The following TRIM25 variants were observed in gnomAD, a reference collection of about 807,000 sequenced individuals.
TRIM25 encodes E3 ubiquitin/ISG15 ligase TRIM25.
In TRIM25, 45 loss-of-function variants were observed where a neutral mutation model predicts 65.2. That is an observed-to-expected ratio of 0.69 (90% CI 0.54 to 0.89). The LOEUF (loss-of-function observed/expected upper bound fraction) is 0.89. Ranked by LOEUF, TRIM25 falls within the 40% of genes least tolerant of loss-of-function variation. The pLI is 0.00. For missense variants in TRIM25, 714 were observed against 803.7 expected (o/e 0.89, Z 1.35); for synonymous variants, 321 against 340.4 (o/e 0.94, Z 0.63).
chr17:56,895,003 A>G lies in TRIM25; in HGVS notation c.1363+340T>C, dbSNP rs376344078. On this transcript the variant is annotated intron_variant, in intron 8 of 8. Transcript: ENST00000316881. ...AGGAGACAGGAGATGCAGGGCAGGC[A>G]TGCCGGCAACGGGACGCCCGGTGAA... 1.0e-3 allele frequency among the ~76,000 whole-genome samples: 154 copies of G among 152,354 alleles called. 1 individual carries two copies. The highest frequency in any genetic ancestry group is 3.4e-3 in the African/African-American group (141 of 41,588).
chr17:56,888,208 C>T lies in TRIM25; in HGVS notation c.*3492G>A, dbSNP rs1909094739. 6.6e-6 allele frequency: 1 copy of T among 152,344 alleles called. No homozygotes were observed. Among genetic ancestry groups the T allele is most frequent in the South Asian group, 2.1e-4 (1 of 4,836 alleles). 9.4% of individuals were successfully genotyped at this position (152,344 alleles called of 1,614,324 possible). The stretch of plus-strand genomic sequence containing the variant: ...GTCAGGCTGACTCAAAGCCTCAAAC[C>T]TCTAATCACATGGTCAGTCTGTCTG... On this transcript the variant is annotated 3_prime_UTR_variant, in exon 9 of 9. Transcript: ENST00000316881.
At chr17:56,896,594 A>C (rs1181620459) in intron 5 of TRIM25, among the ~76,000 whole-genome samples, 1 of 151,588 alleles carries the variant, frequency 6.6e-6, no homozygotes, top group East Asian at 1.9e-4. Context: ...GCTTGAGCCC[A>C]GGAGGATGAG....
chr17:56,890,487 T>C lies in TRIM25; in HGVS notation c.*1213A>G, dbSNP rs1478518990. On this transcript the variant is annotated 3_prime_UTR_variant, in exon 9 of 9. Coordinates refer to ENST00000316881, the MANE Select transcript of TRIM25 (RefSeq NM_005082.5). The stretch of plus-strand genomic sequence containing the variant: ...CTCTGACTCACGCAAGGGCCAGTGC[T>C]GGGTCTGCAGCCTGTGGCCAGGGAT... The C allele has an allele frequency of 2.4e-6, 1 of 420,314 alleles. No homozygotes were observed. The highest frequency in any genetic ancestry group is 4.8e-6 in the Non-Finnish European group (1 of 208,588). 26.0% of individuals were successfully genotyped at this position (420,314 alleles called of 1,614,324 possible).
chr17:56,893,667 G>T (rs180944943), intron 8 of TRIM25, among the ~76,000 whole-genome samples: 65 of 152,376 alleles, frequency 4.3e-4, no homozygotes, highest in African/African-American at 1.5e-3. Flanking sequence ...CAAGAAGACG[G>T]AAAGTGGGAG....
chr17:56,910,617 C>G (rs531016445), intron 1 of TRIM25, among the ~76,000 whole-genome samples: 1 of 152,218 alleles, frequency 6.6e-6, no homozygotes, highest in Non-Finnish European at 1.5e-5. Flanking sequence ...CGGCAGTACC[C>G]TCATCATGAA....
chr17:56,911,697 G>A (rs2144365349), intron 1 of TRIM25, among the ~76,000 whole-genome samples: 1 of 151,684 alleles, frequency 6.6e-6, no homozygotes, highest in East Asian at 2.0e-4. Flanking sequence ...AGACCAGCCT[G>A]AGCAACATAG....
intron 1 of TRIM25, among the ~76,000 whole-genome samples, chr17:56,911,671 T>C (rs1185972552): frequency 6.6e-6 from 1 of 151,852 alleles, no homozygotes; most frequent in East Asian, 1.9e-4. Context: ...GGAGAAGGAT[T>C]GAGGCCAGGA....
intron 1 of TRIM25, among the ~76,000 whole-genome samples, chr17:56,912,586 G>A (rs1909651159): frequency 6.6e-6 from 1 of 152,118 alleles, no homozygotes; most frequent in Non-Finnish European, 1.5e-5. Flanking sequence ...TTGGTGCTCC[G>A]GACTCTACGG....
intron 2 of TRIM25, among the ~76,000 whole-genome samples, 159 bp from the exon 3 acceptor site, chr17:56,904,647 T>G (rs1231959883): frequency 6.6e-6 from 1 of 152,172 alleles, no homozygotes; most frequent in African/African-American, 2.4e-5. Context: ...CTAATAAATT[T>G]GGAGGTGCTC....
rs1390703749 is a variant in TRIM25, at chr17:56,913,869, C to A, written c.120G>T (p.Thr40=). ...GGTATGGCGAGCCCTGGACTGCCCA[C>A]GTCTCATTCAGGCACGACCCGCAGA... ...HNFCGSCLNE[T]WAVQGSPYLC... The change falls in exon 1 of 9, where the codon ACG becomes ACT. Residue 40 remains threonine (T), a synonymous_variant. Coordinates refer to ENST00000316881, the MANE Select transcript of TRIM25 (RefSeq NM_005082.5). The surrounding 1 kb of genome is among the most constrained non-coding windows in gnomAD (Gnocchi z 6.1). 1 of 1,561,386 alleles carries A rather than the reference C, an allele frequency of 6.4e-7. No individual in the cohort carries two copies. The highest frequency in any genetic ancestry group is 1.9e-5 in the Admixed American group (1 of 51,838).
rs374904632 is a variant in TRIM25 at position 56,913,545 on chromosome 17, G to T, written c.444C>A (p.Pro148=). The change falls in exon 1 of 9, where the codon CCC becomes CCA. Residue 148 remains proline (P), a synonymous_variant. Transcript: ENST00000316881. The surrounding 1 kb of genome is among the most constrained non-coding windows in gnomAD (Gnocchi z 6.1). ...PAFQDHPLQP[P]VRDLLRRKCS... is the part of the protein sequence containing the mutation. Reference sequence around the variant, plus strand: ...ATTTGCGGCGCAACAGGTCGCGAACGGGCGGCTGCAGCGGGTGGTCCTGGA... The same window carrying T: ...ATTTGCGGCGCAACAGGTCGCGAACTGGCGGCTGCAGCGGGTGGTCCTGGA... The T allele has an allele frequency of 1.9e-6, 3 of 1,613,692 alleles. No homozygotes were observed. Among genetic ancestry groups the T allele is most frequent in the Middle Eastern group, 1.7e-4 (1 of 6,042 alleles).
chr17:56,911,461 TCCCAGC>T (rs1284954231), intron 1 of TRIM25, among the ~76,000 whole-genome samples: 1 of 151,458 alleles, frequency 6.6e-6, no homozygotes, highest in East Asian at 1.9e-4. Context: ...AGGCCTGTAG[TCCCAGC>T]TGCTCGGGAG....
In TRIM25 at chr17:56,891,988, C is replaced by A; in HGVS notation, c.1605G>T (p.Arg535=). Residue 535 remains arginine (R), a synonymous_variant, in exon 9 of 9, where the codon CGG becomes CGT. Coordinates refer to ENST00000316881, the MANE Select transcript of TRIM25 (RefSeq NM_005082.5). ...GGCCGAGCCTGCTTTCTGGGCCCTGCCGGTTCATGCTTCCGTAGCAGATGC... is the reference window on the plus strand; with the variant it reads ...GGCCGAGCCTGCTTTCTGGGCCCTGACGGTTCATGCTTCCGTAGCAGATGC... The part of the protein sequence containing the change: ...GVGICYGSMN[R]QGPESRLGRN... The A allele has an allele frequency of 6.2e-7, 1 of 1,614,206 alleles. No homozygotes were observed. Among genetic ancestry groups the A allele is most frequent in the Non-Finnish European group, 8.5e-7 (1 of 1,180,046 alleles).
chr17:56,906,652 C>T (rs768584175), intron 2 of TRIM25, among the ~76,000 whole-genome samples: 2 of 152,178 alleles, frequency 1.3e-5, no homozygotes, highest in Non-Finnish European at 2.9e-5. Context: ...CACCACCACG[C>T]CCGGCTAATT....
At chr17:56,900,197 G>C (rs1424540483) in intron 4 of TRIM25, among the ~76,000 whole-genome samples, 1 of 151,126 alleles carries the variant, frequency 6.6e-6, no homozygotes, top group Non-Finnish European at 1.5e-5. Flanking sequence ...CTGGGTGACA[G>C]AGCGAGACTC....
chr17:56,904,535 C>A, intron 2 of TRIM25, 47 bp from the exon 3 acceptor site: 1 of 1,564,848 alleles, frequency 6.4e-7, no homozygotes, highest in South Asian at 1.1e-5. Context: ...GGCAAAAGTG[C>A]TAAGGCTGCA....
At chr17:56,895,212 G>A (rs952718607) in intron 8 of TRIM25, 131 bp downstream of exon 8, 1 of 657,796 alleles carries the variant, frequency 1.5e-6, no homozygotes, top group South Asian at 1.9e-5. Flanking sequence ...AAATAAGGGA[G>A]CAACAAAGTA....
intron 2 of TRIM25, among the ~76,000 whole-genome samples, chr17:56,907,051 C>T (rs911403563): frequency 3.9e-5 from 6 of 152,212 alleles, no homozygotes; most frequent in African/African-American, 1.4e-4. Context: ...TGTTGTCCTC[C>T]ACCTCCTTTT....
chr17:56,911,307 C>T (rs546929391), intron 1 of TRIM25, among the ~76,000 whole-genome samples: 7 of 150,798 alleles, frequency 4.6e-5, no homozygotes, highest in African/African-American at 1.5e-4. Context: ...ATGGGCCGGG[C>T]GTGGTGGCTC....
Sources: allele counts gnomAD v4.1 joint callset (sites outside exome capture counted in the v4.1 genomes callset), GRCh38; gene constraint gnomAD v4.1.1; non-coding constraint Gnocchi (gnomAD v3.1); transcripts MANE v1.5; gene names NCBI Gene and HGNC (gene_info 2026-07-23, HGNC 2026-07-21).